YAE1: variants seen among roughly 807,000 people sequenced by gnomAD.
YAE1 encodes the protein YAE1 maturation factor of ABCE1.
YAE1 carries 22 observed loss-of-function variants against 23.0 expected under a neutral mutation model. The observed-to-expected ratio is 0.96, with a 90% CI of 0.68 to 1.37. YAE1 has a LOEUF of 1.37. Ranked by LOEUF, YAE1 falls within the 40% of genes most tolerant of loss-of-function variation. YAE1 has a pLI of 0.00. For synonymous variants in YAE1, 101 were observed against 97.0 expected (o/e 1.04, Z -0.24); for missense variants, 260 against 262.1 (o/e 0.99, Z 0.06).
intron 1 of YAE1, chr7:39,569,803 T>C: frequency 1.3e-6 from 1 of 755,318 alleles, no homozygotes; most frequent in Non-Finnish European, 2.4e-6. Flanking sequence ...TCAATACTCT[T>C]CCACTCTTTA....
chr7:39,570,031 G>T, intron 1 of YAE1: 1 of 1,363,244 alleles, frequency 7.3e-7, no homozygotes, highest in Admixed American at 1.7e-5. Context: ...GACAAGCAGG[G>T]CACCACGGGG....
At chr7:39,593,117 G>C (rs1790923443) in intron 2 of YAE1, among the ~76,000 whole-genome samples, 1 of 141,672 alleles carries the variant, frequency 7.1e-6, no homozygotes, top group Non-Finnish European at 1.5e-5. Context: ...AGCCTATCTA[G>C]TGAATTTTTA....
At chr7:39,577,840 G>T (rs868368143), downstream of YAE1, among the ~76,000 whole-genome samples, 1 of 152,374 alleles carries the variant, frequency 6.6e-6, no homozygotes, top group South Asian at 2.1e-4. Context: ...CAGGATCCAC[G>T]AGGTGAAGCC....
chr7:39,577,573 C>A (rs951876505), downstream of YAE1, among the ~76,000 whole-genome samples: 1 of 152,178 alleles, frequency 6.6e-6, no homozygotes, highest in African/African-American at 2.4e-5. Flanking sequence ...TGCACCAGGT[C>A]CCCCAGCAGT....
intron 1 of YAE1, chr7:39,570,148 C>A: frequency 1.3e-6 from 1 of 783,742 alleles, no homozygotes; most frequent in East Asian, 2.5e-5. Flanking sequence ...CACCCCCAAG[C>A]AACAGTACCA....
chr7:39,594,639 T>C (rs1346862541), intron 2 of YAE1, among the ~76,000 whole-genome samples: 1 of 152,098 alleles, frequency 6.6e-6, no homozygotes, highest in Non-Finnish European at 1.5e-5. Flanking sequence ...TCACTCTTGT[T>C]GCCCAGGCTG....
downstream of YAE1, among the ~76,000 whole-genome samples, chr7:39,575,383 G>A (rs1335246835): frequency 2.6e-5 from 4 of 152,096 alleles, no homozygotes; most frequent in East Asian, 1.9e-4. Flanking sequence ...ATATACCTGC[G>A]TCCTTACCTA....
chr7:39,581,459 C>A (rs568877009), intron 2 of YAE1, among the ~76,000 whole-genome samples: 2 of 152,256 alleles, frequency 1.3e-5, no homozygotes, highest in Non-Finnish European at 2.9e-5. Flanking sequence ...AATAAAATAT[C>A]TTCTTTTTCT....
rs571480671 is a variant in YAE1, at chr7:39,571,898, A to G, written c.252-379A>G. ...CAACTTTGGTTGCACCTTAACTCTGAAACTTAAAAAAAAGATACCCCCTGA... is the reference window on the plus strand; with the variant it reads ...CAACTTTGGTTGCACCTTAACTCTGGAACTTAAAAAAAAGATACCCCCTGA... On this transcript the variant is annotated intron_variant, in intron 2 of 2. Coordinates refer to ENST00000223273, the MANE Select transcript of YAE1 (RefSeq NM_020192.5). Among the ~76,000 whole-genome samples the G allele has an allele frequency of 1.6e-3, 251 of 152,266 alleles. 2 individuals carry two copies. The highest frequency in any genetic ancestry group is 0.016 in the East Asian group (82 of 5,170).
intron 2 of YAE1, among the ~76,000 whole-genome samples, chr7:39,592,152 A>G (rs1238839930): frequency 1.3e-5 from 2 of 152,222 alleles, no homozygotes; most frequent in African/African-American, 2.4e-5. Context: ...ATCTTTGTGC[A>G]TGTTTTTGCA....
At chr7:39,585,000 G>T (rs918984309) in intron 2 of YAE1, among the ~76,000 whole-genome samples, 2 of 152,190 alleles carry the variant, frequency 1.3e-5, no homozygotes, top group African/African-American at 4.8e-5. Flanking sequence ...CTGCATTACA[G>T]GGAATGGCCC....
At chr7:39,588,657 A>G (rs1484845669) in intron 2 of YAE1, among the ~76,000 whole-genome samples, 2 of 152,054 alleles carry the variant, frequency 1.3e-5, no homozygotes, top group Non-Finnish European at 2.9e-5. Context: ...AAGTATGTGG[A>G]TATTTGCTTA....
chr7:39,609,485 G>A, intron 2 of YAE1: 1 of 1,258,134 alleles, frequency 7.9e-7, no homozygotes, highest in Non-Finnish European at 1.1e-6. Flanking sequence ...TTGGGGGGTT[G>A]TAACAGAGAC....
intron 1 of YAE1, chr7:39,567,002 G>A (rs1227965078): frequency 1.3e-5 from 2 of 153,352 alleles, no homozygotes; most frequent in East Asian, 3.8e-4. Flanking sequence ...GGACAATAAG[G>A]GAAAGCTAAT....
At chr7:39,607,626 T>C (rs965500164) in intron 2 of YAE1, among the ~76,000 whole-genome samples, 5 of 152,210 alleles carry the variant, frequency 3.3e-5, no homozygotes, top group African/African-American at 1.2e-4. Flanking sequence ...TGGTAATTGA[T>C]CACGGCAGCA....
intron 2 of YAE1, among the ~76,000 whole-genome samples, chr7:39,581,784 A>G (rs1562592050): frequency 6.6e-6 from 1 of 151,964 alleles, no homozygotes; most frequent in African/African-American, 2.4e-5. Flanking sequence ...AGGCAGAAGG[A>G]TGGCTTAAGC....
At chr7:39,570,177 C>A in intron 1 of YAE1, 1 of 708,874 alleles carries the variant, frequency 1.4e-6, no homozygotes, top group South Asian at 1.7e-5. Context: ...AGCGGAACTG[C>A]AAGACTCCTG....
downstream of YAE1, among the ~76,000 whole-genome samples, chr7:39,612,081 C>G (rs1791227803): frequency 1.3e-5 from 2 of 151,688 alleles, no homozygotes; most frequent in Admixed American, 1.3e-4. Context: ...AAATAAATTA[C>G]TTAAGTTATT....
At chr7:39,581,107 T>C (rs180858894) in intron 2 of YAE1, among the ~76,000 whole-genome samples, 5 of 152,290 alleles carry the variant, frequency 3.3e-5, no homozygotes, top group African/African-American at 7.2e-5. Flanking sequence ...GATGTAAACA[T>C]AGGGAGAGAC....
Sources: gnomAD v4.1 joint callset for allele counts (sites outside exome capture counted in the v4.1 genomes callset) on GRCh38, gnomAD v4.1.1 for gene constraint, MANE v1.5 for transcripts, NCBI Gene and HGNC (gene_info 2026-07-23, HGNC 2026-07-21) for gene names.